Variants in TLN1 observed in about 807,000 individuals in gnomAD.
TLN1 encodes talin 1, also known as talin-1.
TLN1 carries 56 observed loss-of-function variants against 292.3 expected under a neutral mutation model. The ratio of observed to expected loss-of-function variants is 0.19; its 90% CI spans 0.15 to 0.24. TLN1 has a LOEUF of 0.24. TLN1 is among the 10% of genes least tolerant of loss of function. The pLI is 1.00. For synonymous variants in TLN1, 1,119 were observed against 1,253.7 expected (o/e 0.89, Z 2.27); for missense variants, 2,433 against 3,248.2 (o/e 0.75, Z 6.10).
rs1419478081 is a variant in TLN1 at position 35,717,983 on chromosome 9, C to G, written c.1996-197G>C. Among the ~76,000 whole-genome samples, 1 of 152,154 alleles carries G rather than the reference C, an allele frequency of 6.6e-6. No homozygotes were observed. The highest frequency in any genetic ancestry group is 1.5e-5 in the Non-Finnish European group (1 of 68,038). On this transcript the variant is annotated intron_variant, in intron 17 of 56. Coordinates refer to ENST00000314888, the MANE Select transcript of TLN1 (RefSeq NM_006289.4). The surrounding 1 kb of genome is among the most constrained non-coding windows in gnomAD (Gnocchi z 4.7). ...CCCCCACCGAGGAACAAACCCACAC[C>G]AAGAGAAAATACAGCCTACACCAAA... is the stretch of plus-strand genomic sequence containing the variant.
At chr9:35,730,498 G>A (rs1372320271) in intron 1 of TLN1, among the ~76,000 whole-genome samples, 1 of 150,570 alleles carries the variant, frequency 6.6e-6, no homozygotes, top group Non-Finnish European at 1.5e-5. Flanking sequence ...GTGACACACA[G>A]CAGGGGATGG....
At position 35,717,926 on chromosome 9, in the gene TLN1, A is replaced by T; in HGVS notation, c.1996-140T>A. ...GCAGAAGCAACCAGAACCTACCCCG[A>T]GCTACTGCCCTGAGCACCCAGCAGG... On this transcript the variant is annotated intron_variant, in intron 17 of 56. Coordinates refer to ENST00000314888, the MANE Select transcript of TLN1 (RefSeq NM_006289.4). This position sits in a 1 kb window ranked among gnomAD's most constrained non-coding sequence, Gnocchi z 4.7. The T allele has an allele frequency of 1.0e-6, 1 of 999,538 alleles. No homozygotes were observed. Among genetic ancestry groups the T allele is most frequent in the Non-Finnish European group, 1.4e-6 (1 of 697,188 alleles). The allele number at this position is 999,538 out of a possible 1,614,324, so 61.9% of individuals were successfully genotyped here.
At chr9:35,716,364 G>A in intron 20 of TLN1, 26 bp downstream of exon 20, 1 of 1,613,574 alleles carries the variant, frequency 6.2e-7, no homozygotes, top group Non-Finnish European at 8.5e-7. Flanking sequence ...GGTCCAGTCT[G>A]GGAGTGTGCA....
Position 35,706,341 on chromosome 9 carries a change from T to A in TLN1, c.5216A>T (p.Glu1739Val), listed in dbSNP as rs745962007. The A allele has an allele frequency of 5.0e-6, 8 of 1,611,236 alleles. No individual in the cohort carries two copies. The African/African-American group carries it at 8.0e-5, about 16-fold the overall frequency. The change falls in exon 40 of 57, where the codon GAG (glutamate) becomes GTG (valine). Residue 1739 changes from glutamate (E) to valine (V), a missense_variant. Around this residue, in one of 7 missense-constraint regions of TLN1, gnomAD observed 1,384 missense variants for 1,699.6 expected, o/e 0.81. Transcript: ENST00000314888. This position sits in a 1 kb window ranked among gnomAD's most constrained non-coding sequence, Gnocchi z 4.2. ...ACCCACTGCAGCCAGGGTGAGCGGC[T>A]CAAAGTACTGCGCCATCTGGGACAC... is the stretch of plus-strand genomic sequence containing the variant. ...HKVSQMAQYF[E>V]PLTLAAVGAA...
intron 11 of TLN1, 39 bp from the exon 12 acceptor site, chr9:35,720,548 A>T: frequency 6.3e-7 from 1 of 1,597,442 alleles, no homozygotes; most frequent in Non-Finnish European, 8.6e-7. Flanking sequence ...GGGATAGTTA[A>T]AGAAGAGGGA....
chr9:35,705,056 G>T (rs987583566), intron 43 of TLN1, among the ~76,000 whole-genome samples: 2 of 152,218 alleles, frequency 1.3e-5, no homozygotes, highest in African/African-American at 4.8e-5. Context: ...GTTAAGCACA[G>T]TGGGGAGAAG....
intron 33 of TLN1, among the ~76,000 whole-genome samples, chr9:35,709,841 C>G (rs1413586773): frequency 7.7e-6 from 1 of 130,608 alleles, no homozygotes; most frequent in Admixed American, 8.6e-5. Flanking sequence ...GAGTCTAGAT[C>G]GCGCCACTGC....
At chr9:35,710,256 A>AT (rs1825644304) in intron 33 of TLN1, among the ~76,000 whole-genome samples, 2 of 151,698 alleles carry the variant, frequency 1.3e-5, no homozygotes, top group Non-Finnish European at 2.9e-5. Context: ...AAGTAGTAAT[A>AT]ACATGAAAAA....
rs1399026405 is a variant in TLN1, at chr9:35,710,848, G to A, written c.4152C>T (p.Ile1384=). 2 of 1,614,216 alleles carry A rather than the reference G, an allele frequency of 1.2e-6. No individual in the cohort carries two copies. The highest frequency in any genetic ancestry group is 2.7e-5 in the African/African-American group (2 of 75,052). The change falls in exon 32 of 57, where the codon ATC becomes ATT. Residue 1384 remains isoleucine (I), a synonymous_variant. Coordinates refer to ENST00000314888, the MANE Select transcript of TLN1 (RefSeq NM_006289.4). ...GGCAACCAAAGTAGGACATGTCATT[G>A]ATGGGCTGGACTGGGTTCTCCAGGA... ...RELLENPVQP[I]NDMSYFGCLD...
In TLN1 at chr9:35,704,253, T is replaced by C; in HGVS notation, c.6047+79A>G. 3.2e-6 allele frequency: 5 copies of C among 1,575,570 alleles called. No homozygotes were observed. The South Asian group carries it at 6.0e-5, about 19-fold the overall frequency. On this transcript the variant is annotated intron_variant, in intron 45 of 56. Coordinates refer to ENST00000314888, the MANE Select transcript of TLN1 (RefSeq NM_006289.4). The surrounding 1 kb of genome is among the most constrained non-coding windows in gnomAD (Gnocchi z 6.9). ...AGGTGCCTGGTCCAGGTCTTCCCCA[T>C]TCCAGCGAATGCTATCCTGCCTCTT...
Position 35,703,443 on chromosome 9 carries a change from G to A in TLN1, c.6474+117C>T, listed in dbSNP as rs913888510. The A allele has an allele frequency of 1.4e-5, 14 of 1,006,348 alleles. No homozygotes were observed. The Middle Eastern group carries it at 8.4e-4, about 61-fold the overall frequency. The allele number at this position is 1,006,348 out of a possible 1,614,324, so 62.3% of individuals were successfully genotyped here. A position where few individuals can be genotyped will look rare whatever the true frequency, so the allele number is the denominator to read the frequency against. On this transcript the variant is annotated intron_variant, in intron 48 of 56. Transcript: ENST00000314888. ...TTCTCAAAAAAAAAGTCTGGCGATA[G>A]ATGAGAGAGAAGACTGTGTGTGACT...
chr9:35,711,258 G>A lies in TLN1; in HGVS notation c.4016C>T (p.Ala1339Val). 6.2e-7 allele frequency: 1 copy of A among 1,614,082 alleles called. No homozygotes were observed. Among genetic ancestry groups the A allele is most frequent in the Admixed American group, 1.7e-5 (1 of 60,014 alleles). The change falls in exon 30 of 57, where the codon GCC (alanine) becomes GTC (valine). Residue 1339 changes from alanine (A) to valine (V), a missense_variant. Coordinates refer to ENST00000314888, the MANE Select transcript of TLN1 (RefSeq NM_006289.4). ...GGGCTTCTCAGCAACTACTTACCTGGCAGCTGCAGCCAGCTGACTCTTGAG... is the reference window on the plus strand; with the variant it reads ...GGGCTTCTCAGCAACTACTTACCTGACAGCTGCAGCCAGCTGACTCTTGAG... ...PNLKSQLAAA[A>V]RAVTDSINQL...
chr9:35,703,540 T>C lies in TLN1; in HGVS notation c.6474+20A>G, dbSNP rs1200300218. ...CCCTCTCTCTGACCCTAGTCACTGA[T>C]GCCCCAGACTCTCACTCACCGCCAG... is the stretch of plus-strand genomic sequence containing the variant. On this transcript the variant is annotated intron_variant, in intron 48 of 56. Coordinates refer to ENST00000314888, the MANE Select transcript of TLN1 (RefSeq NM_006289.4). The C allele has an allele frequency of 6.2e-7, 1 of 1,608,178 alleles. No individual in the cohort carries two copies. The highest frequency in any genetic ancestry group is 1.3e-5 in the African/African-American group (1 of 74,818).
At chr9:35,703,465 G>T in intron 48 of TLN1, 95 bp downstream of exon 48, 1 of 1,172,052 alleles carries the variant, frequency 8.5e-7, no homozygotes, top group Non-Finnish European at 1.3e-6. Flanking sequence ...GACTGTGTGT[G>T]ACTCCAGCTG....
At chr9:35,716,262 G>C in intron 20 of TLN1, 128 bp downstream of exon 20, 1 of 1,023,026 alleles carries the variant, frequency 9.8e-7, no homozygotes, top group South Asian at 1.7e-5. Flanking sequence ...TTTCCTGAGT[G>C]CTCCTATATT....
rs994456031 is a variant in TLN1, at chr9:35,732,194, A to G, written c.-153T>C. Reference sequence around the variant, plus strand: ...TCTCTCGGCCACTTCCGTCCTGGGAACGTCCCCCACCCGCGGGCGGCGCCC... The same window carrying G: ...TCTCTCGGCCACTTCCGTCCTGGGAGCGTCCCCCACCCGCGGGCGGCGCCC... On this transcript the variant is annotated 5_prime_UTR_variant, in exon 1 of 57. Transcript: ENST00000314888. This position sits in a 1 kb window ranked among gnomAD's most constrained non-coding sequence, Gnocchi z 5.1. The G allele has an allele frequency of 6.6e-6, 1 of 152,194 alleles. No homozygotes were observed. The highest frequency in any genetic ancestry group is 2.4e-5 in the African/African-American group (1 of 41,262). The allele number at this position is 152,194 out of a possible 1,614,324, so 9.4% of individuals were successfully genotyped here.
intron 12 of TLN1, 36 bp downstream of exon 12, chr9:35,720,397 C>T (rs1391493768): frequency 1.9e-6 from 3 of 1,608,610 alleles, no homozygotes; most frequent in Non-Finnish European, 2.6e-6. Context: ...CCTTCTCTAC[C>T]CCTGGGAAAT....
At position 35,716,514 on chromosome 9, in the gene TLN1, G is replaced by C; in HGVS notation, c.2501C>G (p.Ser834Cys). 6.2e-7 allele frequency: 1 copy of C among 1,614,250 alleles called. No individual in the cohort carries two copies. The highest frequency in any genetic ancestry group is 8.5e-7 in the Non-Finnish European group (1 of 1,180,048). ...RQARILAQAT[S>C]DLVNAIKADA... The stretch of plus-strand genomic sequence containing the variant: ...AGCCTTGATGGCATTGACCAGGTCA[G>C]ATGTGGCTTGGGCCAGGATGCGGGC... The change falls in exon 20 of 57, where the codon TCT becomes TGT. Residue 834 changes from serine (S) to cysteine (C), a missense_variant. Physicochemically the swap from Ser to Cys is moderately radical, Grantham distance 112 (BLOSUM62 -1). This residue lies in a region of TLN1 where 617 missense variants were observed against 770.6 expected (regional missense o/e 0.80). Coordinates refer to ENST00000314888, the MANE Select transcript of TLN1 (RefSeq NM_006289.4).
At chr9:35,727,701 G>A (rs934325220) in intron 1 of TLN1, among the ~76,000 whole-genome samples, 4 of 152,160 alleles carry the variant, frequency 2.6e-5, no homozygotes, top group African/African-American at 9.7e-5. Flanking sequence ...AGAAGCTGGA[G>A]GAGTCTGTGG....
Sources: gnomAD v4.1 joint callset for allele counts (sites outside exome capture counted in the v4.1 genomes callset) on GRCh38, gnomAD v4.1.1 for gene constraint, gnomAD v4.1.1 regional missense constraint, Gnocchi (gnomAD v3.1) non-coding constraint, MANE v1.5 for transcripts, NCBI Gene and HGNC (gene_info 2026-07-23, HGNC 2026-07-21) for gene names.